Variants in GTPBP4 observed in about 807,000 individuals in gnomAD.
GTPBP4 encodes GTP binding protein 4.
In GTPBP4, 15 loss-of-function variants were observed where a neutral mutation model predicts 81.7. The ratio of observed to expected loss-of-function variants is 0.18; its 90% CI spans 0.12 to 0.28. GTPBP4 has a LOEUF of 0.28. Among genes scored for constraint, GTPBP4 ranks in the 10% least tolerant of loss-of-function variants. The pLI is 1.00. For missense variants in GTPBP4, 847 were observed against 793.8 expected, an observed-to-expected ratio of 1.07 and a Z score of -0.81; for synonymous variants, 272 against 274.6, an observed-to-expected ratio of 0.99 and a Z score of 0.09.
rs796101406 is a variant in GTPBP4, at chr10:1,009,665, A to G, written c.1243+85A>G. ...AAATGGGGGAAAGACTTTAATAAGTAATAAAAGTGTTTCAGCCTATTTGTC... is the reference window on the plus strand; with the variant it reads ...AAATGGGGGAAAGACTTTAATAAGTGATAAAAGTGTTTCAGCCTATTTGTC... On this transcript the variant is annotated intron_variant, in intron 12 of 16. Transcript: ENST00000360803. 96 of 837,356 alleles carry G rather than the reference A, an allele frequency of 1.1e-4. No individual in the cohort carries two copies. In the African/African-American group the frequency reaches 1.5e-3, roughly 13 times the overall value. 51.9% of individuals were successfully genotyped at this position (837,356 alleles called of 1,614,324 possible).
At chr10:992,362 T>C in intron 1 of GTPBP4, 127 bp from the exon 2 acceptor site, 1 of 583,448 alleles carries the variant, frequency 1.7e-6, no homozygotes, top group Admixed American at 3.3e-5. Flanking sequence ...ATCGTGCCAC[T>C]GCACTCCAGC....
chr10:996,291 A>C (rs780480462), intron 4 of GTPBP4, 49 bp downstream of exon 4: 6 of 1,546,082 alleles, frequency 3.9e-6, no homozygotes, highest in African/African-American at 1.4e-5. Flanking sequence ...TGCTGAGAGG[A>C]TGCGTCCTTG....
chr10:1,007,896 A>G (rs1488225932), intron 10 of GTPBP4: 2 of 517,190 alleles, frequency 3.9e-6, no homozygotes, highest in Non-Finnish European at 7.7e-6. Context: ...AAAGTTCTTT[A>G]GGCTGTTTAT....
At chr10:1,004,689 C>T (rs868667300) in intron 8 of GTPBP4, among the ~76,000 whole-genome samples, 3 of 152,236 alleles carry the variant, frequency 2.0e-5, no homozygotes, top group Middle Eastern at 3.4e-3. Flanking sequence ...AGGCAGGGTA[C>T]CGTTGGGTGC....
chr10:999,249 G>A (rs1294399096), intron 6 of GTPBP4, among the ~76,000 whole-genome samples, 154 bp downstream of exon 6: 2 of 152,164 alleles, frequency 1.3e-5, no homozygotes, highest in East Asian at 1.9e-4. Flanking sequence ...CTTTCGAGTA[G>A]CAGGGATTAC....
At chr10:989,654 T>C (rs1414920055) in intron 1 of GTPBP4, among the ~76,000 whole-genome samples, 1 of 152,234 alleles carries the variant, frequency 6.6e-6, no homozygotes, top group Admixed American at 6.5e-5. Context: ...TTTACCTTCA[T>C]AGCAAAAGTT....
rs751859341 is a variant in GTPBP4 at position 1,015,787 on chromosome 10, G to A, written c.1643G>A (p.Ser548Asn). The A allele has an allele frequency of 6.2e-7, 1 of 1,614,044 alleles. No homozygotes were observed. Among genetic ancestry groups the A allele is most frequent in the East Asian group, 2.2e-5 (1 of 44,896 alleles). The change falls in exon 16 of 17, where the codon AGC becomes AAC. Residue 548 changes from serine (S) to asparagine (N), a missense_variant. Transcript: ENST00000360803. ...HYAVQARRSR[S>N]ITRKRKREDS... The stretch of plus-strand genomic sequence containing the variant: ...GCAGTCCAGGCAAGAAGATCCCGGA[G>A]CATCACTAGGAAAAGAAAGCGGGAA...
chr10:988,701 A>C (rs939696991), intron 1 of GTPBP4, 174 bp downstream of exon 1: 5 of 609,888 alleles, frequency 8.2e-6, no homozygotes, highest in African/African-American at 7.4e-5. Flanking sequence ...CCCCAGCAGA[A>C]TCCGGGGTCC....
chr10:1,009,126 C>G, intron 11 of GTPBP4, 91 bp downstream of exon 11: 1 of 916,434 alleles, frequency 1.1e-6, no homozygotes, highest in South Asian at 1.4e-5. Context: ...GAACAGGAGC[C>G]GCGGGTGCCC....
Position 1,012,494 on chromosome 10 carries a change from G to T in GTPBP4, c.1374G>T (p.Glu458Asp), listed in dbSNP as rs1486057521. Reference protein sequence around the residue: ...KKLEELEKEEELRTAAGEYDS... With the variant: ...KKLEELEKEEDLRTAAGEYDS... ...TGGAAGAATTAGAAAAAGAAGAAGA[G>T]CTGAGAACAGCTGCTGGAGAGTATG... is the stretch of plus-strand genomic sequence containing the variant. Residue 458 changes from glutamate (E) to aspartate (D), a missense_variant, in exon 14 of 17, where the codon GAG becomes GAT. Physicochemically the swap from Glu to Asp is conservative, Grantham distance 45. Transcript: ENST00000360803. The T allele has an allele frequency of 4.4e-6, 7 of 1,609,000 alleles. No homozygotes were observed. The highest frequency in any genetic ancestry group is 1.3e-5 in the African/African-American group (1 of 74,708).
intron 2 of GTPBP4, among the ~76,000 whole-genome samples, chr10:993,344 C>T: frequency 6.6e-6 from 1 of 152,186 alleles, no homozygotes; most frequent in Non-Finnish European, 1.5e-5. Flanking sequence ...TCTCTACCTC[C>T]TGGATTCAAG....
chr10:991,464 A>G (rs1447756364), intron 1 of GTPBP4, among the ~76,000 whole-genome samples: 1 of 152,154 alleles, frequency 6.6e-6, no homozygotes, highest in East Asian at 1.9e-4. Flanking sequence ...ATCTCCTCAA[A>G]TAGTTCCCTT....
Position 1,019,792 on chromosome 10 carries a change from TGTG to T in GTPBP4, c.*2569_*2571del, listed in dbSNP as rs752905367. 9.9e-6 allele frequency: 16 copies of T among 1,614,036 alleles called. No individual in the cohort carries two copies. Among genetic ancestry groups the T allele is most frequent in the African/African-American group, 8.0e-5 (6 of 75,008 alleles). On this transcript the variant is annotated 3_prime_UTR_variant, in exon 17 of 17. Coordinates refer to ENST00000360803, the MANE Select transcript of GTPBP4 (RefSeq NM_012341.3). ...CCCCAAATTCTGTCTGATTTTGCCT[TGTG>T]GTGATAGATTGTCATGAACACAATG...
chr10:988,544 G>A lies in GTPBP4; in HGVS notation c.48+17G>A, dbSNP rs200145248. 230 of 1,600,870 alleles carry A rather than the reference G, an allele frequency of 1.4e-4. No individual in the cohort carries two copies. Among genetic ancestry groups the A allele is most frequent in the Middle Eastern group, 6.7e-4 (4 of 5,940 alleles). ...TCCGCCAAGGTAGGCGGCCCCGGGA[G>A]GGCCACTGCAACTTTCGCGTTCTCC... On this transcript the variant is annotated intron_variant, in intron 1 of 16. Transcript: ENST00000360803.
chr10:1,015,359 G>A (rs1232127658), intron 15 of GTPBP4, among the ~76,000 whole-genome samples: 2 of 151,486 alleles, frequency 1.3e-5, no homozygotes, highest in Non-Finnish European at 2.9e-5. Flanking sequence ...CTGAGCCTGG[G>A]TGCGGGGCTG....
intron 13 of GTPBP4, among the ~76,000 whole-genome samples, chr10:1,010,990 TGC>T (rs1831853043): frequency 6.9e-6 from 1 of 144,492 alleles, no homozygotes; most frequent in African/African-American, 2.6e-5. Context: ...CTGTGCCTCC[TGC>T]ACCACCTTCC....
At chr10:994,394 G>A (rs1168906988) in intron 2 of GTPBP4, among the ~76,000 whole-genome samples, 1 of 151,898 alleles carries the variant, frequency 6.6e-6, no homozygotes, top group South Asian at 2.1e-4. Context: ...TCAGCCTCCC[G>A]AGTAGCTGGG....
chr10:1,004,456 A>G (rs540713530), intron 8 of GTPBP4, among the ~76,000 whole-genome samples: 3 of 152,144 alleles, frequency 2.0e-5, no homozygotes, highest in Non-Finnish European at 4.4e-5. Context: ...GTGGAGTACA[A>G]TGTCAGCTCC....
Position 995,532 on chromosome 10 carries a change from G to C in GTPBP4, c.220-397G>C, listed in dbSNP as rs1172616370. Among the ~76,000 whole-genome samples the C allele has an allele frequency of 2.0e-5, 3 of 152,178 alleles. No individual in the cohort carries two copies. In the East Asian group the frequency reaches 5.8e-4, roughly 29 times the overall value. On this transcript the variant is annotated intron_variant, in intron 2 of 16. Coordinates refer to ENST00000360803, the MANE Select transcript of GTPBP4 (RefSeq NM_012341.3). ...GAGAGGGAATTGGAAGGATTTTGGG[G>C]CTATGGGAATTTTTGATTTTTTTTC...
Sources: gnomAD v4.1 joint callset for allele counts (sites outside exome capture counted in the v4.1 genomes callset) on GRCh38, gnomAD v4.1.1 for gene constraint, MANE v1.5 for transcripts, NCBI Gene and HGNC (gene_info 2026-07-23, HGNC 2026-07-21) for gene names.